CYTH3: variants seen among roughly 807,000 people sequenced by gnomAD.
The protein encoded by CYTH3 is cytohesin-3.
CYTH3 carries 23 observed loss-of-function variants against 55.1 expected under a neutral mutation model. The observed-to-expected ratio is 0.42, with a 90% CI of 0.30 to 0.59. The LOEUF is 0.59. CYTH3 is among the 20% of genes least tolerant of loss of function. CYTH3 has a pLI of 0.20. For synonymous variants in CYTH3, 249 were observed against 194.9 expected, an observed-to-expected ratio of 1.28 and a Z score of -2.31; for missense variants, 413 against 524.8, an observed-to-expected ratio of 0.79 and a Z score of 2.08.
intron 1 of CYTH3, 95 bp from the exon 2 acceptor site, chr7:6,190,626 A>C: frequency 1.1e-6 from 1 of 904,218 alleles, no homozygotes. Flanking sequence ...CAGCAATTCC[A>C]TACGCAGGTA....
chr7:6,173,037 G>A, intron 6 of CYTH3: 3 of 1,074,846 alleles, frequency 2.8e-6, no homozygotes, highest in Non-Finnish European at 3.4e-6. Flanking sequence ...ACTCCCACCA[G>A]AAGCCCTGCC....
chr7:6,235,267 C>T (rs6951747), intron 1 of CYTH3, among the ~76,000 whole-genome samples: 1 of 151,922 alleles, frequency 6.6e-6, no homozygotes, highest in African/African-American at 2.4e-5. Flanking sequence ...TTTGAGGTCA[C>T]GAGTTCAAGA....
At chr7:6,226,363 C>G (rs888879863) in intron 1 of CYTH3, among the ~76,000 whole-genome samples, 3 of 152,188 alleles carry the variant, frequency 2.0e-5, no homozygotes, top group Non-Finnish European at 4.4e-5. Flanking sequence ...TGTAGAACAT[C>G]TGGCATTCCA....
At position 6,190,496 on chromosome 7, in the gene CYTH3, G is replaced by A; in HGVS notation, c.70C>T (p.Leu24Phe). ...TTTTTTCTTCGACGAATGTCTAGAA[G>A]TTCTTCTCTCTCTTCTAATGAGAGG... The part of the protein sequence containing the change: ...EDLSLEEREE[L>F]LDIRRRKKEL... Residue 24 changes from leucine (L) to phenylalanine (F), a missense_variant, in exon 2 of 13, where the codon CTT becomes TTT. Leu to Phe is a conservative substitution (Grantham distance 22). Transcript: ENST00000350796. 6 of 1,503,762 alleles carry A rather than the reference G, an allele frequency of 4.0e-6. No homozygotes were observed. The highest frequency in any genetic ancestry group is 1.2e-5 in the South Asian group (1 of 80,234). 93.2% of individuals were successfully genotyped at this position (1,503,762 alleles called of 1,614,324 possible).
intron 5 of CYTH3, among the ~76,000 whole-genome samples, chr7:6,174,721 G>C (rs1218252420): frequency 6.6e-6 from 1 of 151,714 alleles, no homozygotes; most frequent in Non-Finnish European, 1.5e-5. Flanking sequence ...CTAATTTTTT[G>C]TATTTTTAGT....
At chr7:6,231,076 C>T (rs924545093) in intron 1 of CYTH3, among the ~76,000 whole-genome samples, 4 of 152,224 alleles carry the variant, frequency 2.6e-5, no homozygotes, top group African/African-American at 9.6e-5. Context: ...CTCACCTGTA[C>T]TAACCCACGC....
At chr7:6,190,963 G>A (rs550949437) in intron 1 of CYTH3, among the ~76,000 whole-genome samples, 6 of 151,922 alleles carry the variant, frequency 3.9e-5, no homozygotes, top group Non-Finnish European at 7.4e-5. Flanking sequence ...TGTAATCTCA[G>A]CTACTCGGGA....
intron 1 of CYTH3, among the ~76,000 whole-genome samples, chr7:6,226,904 C>A (rs1289357198): frequency 1.3e-5 from 2 of 152,052 alleles, no homozygotes; most frequent in South Asian, 4.1e-4. Context: ...CACGGTGAAA[C>A]CCCGTCTCTA....
chr7:6,220,586 A>AG (rs1208372111), intron 1 of CYTH3, among the ~76,000 whole-genome samples: 2 of 151,894 alleles, frequency 1.3e-5, no homozygotes, highest in African/African-American at 4.8e-5. Context: ...AAAAAAAAAA[A>AG]AAAAAAAAAC....
chr7:6,244,095 A>G (rs1473546244), intron 1 of CYTH3, among the ~76,000 whole-genome samples: 1 of 152,224 alleles, frequency 6.6e-6, no homozygotes, highest in Non-Finnish European at 1.5e-5. Flanking sequence ...TGCATGTTCT[A>G]TGCAGCCCAA....
intron 1 of CYTH3, among the ~76,000 whole-genome samples, chr7:6,250,100 T>C (rs778044603): frequency 7.9e-5 from 12 of 152,170 alleles, no homozygotes; most frequent in Non-Finnish European, 1.0e-4. Flanking sequence ...TGTCCACCAC[T>C]GGGATCACAC....
At chr7:6,178,257 T>C (rs1339371120) in intron 4 of CYTH3, among the ~76,000 whole-genome samples, 1 of 152,240 alleles carries the variant, frequency 6.6e-6, no homozygotes, top group Admixed American at 6.5e-5. Context: ...TTCCCAAGCT[T>C]AGAAAGATAG....
chr7:6,165,820 G>C lies in CYTH3; in HGVS notation c.824-10C>G. The C allele has an allele frequency of 1.2e-6, 2 of 1,613,964 alleles. No individual in the cohort carries two copies. The highest frequency in any genetic ancestry group is 1.7e-6 in the Non-Finnish European group (2 of 1,179,962). On this transcript the variant is annotated splice_polypyrimidine_tract_variant and intron_variant, in intron 9 of 12. Transcript: ENST00000350796. Reference sequence around the variant, plus strand: ...GTCTTCACACGCCCTCCTAGAAGCAGAAGGGCCCCGTGAGTCTGCGCTCCG... The same window carrying C: ...GTCTTCACACGCCCTCCTAGAAGCACAAGGGCCCCGTGAGTCTGCGCTCCG...
chr7:6,198,110 AG>A (rs1217350971), intron 1 of CYTH3, among the ~76,000 whole-genome samples: 2 of 151,538 alleles, frequency 1.3e-5, no homozygotes, highest in African/African-American at 4.9e-5. Flanking sequence ...AAAAAAAAAA[AG>A]GAAAAAAAAA....
At chr7:6,208,444 C>T (rs1157698712) in intron 1 of CYTH3, among the ~76,000 whole-genome samples, 1 of 152,238 alleles carries the variant, frequency 6.6e-6, no homozygotes, top group Admixed American at 6.5e-5. Flanking sequence ...TTCCCCAGTT[C>T]CATACAGCAA....
chr7:6,177,288 C>T (rs1039674500), intron 5 of CYTH3, among the ~76,000 whole-genome samples: 2 of 152,214 alleles, frequency 1.3e-5, no homozygotes, highest in Non-Finnish European at 2.9e-5. Context: ...TTTAAAAACA[C>T]TTTCTTCTGG....
chr7:6,174,275 C>T (rs912491882), intron 5 of CYTH3, among the ~76,000 whole-genome samples: 6 of 151,808 alleles, frequency 4.0e-5, no homozygotes, highest in Admixed American at 2.0e-4. Flanking sequence ...CCACCATGCC[C>T]GGCTAACTTT....
rs1783178160 is a variant in CYTH3, at chr7:6,171,136, G to C, written c.562+66C>G. ...AACACACGCTGGGCTGTGCCCACAG[G>C]GGCCGCCCCCTCCAGAGCTGGAGGC... On this transcript the variant is annotated intron_variant, in intron 7 of 12. Coordinates refer to ENST00000350796, the MANE Select transcript of CYTH3 (RefSeq NM_004227.4). The surrounding 1 kb of genome is among the most constrained non-coding windows in gnomAD (Gnocchi z 6.7). 6.3e-7 allele frequency: 1 copy of C among 1,597,286 alleles called. No individual in the cohort carries two copies. The highest frequency in any genetic ancestry group is 8.6e-7 in the Non-Finnish European group (1 of 1,166,220).
chr7:6,187,566 C>T (rs1244173230), intron 3 of CYTH3, 91 bp downstream of exon 3: 5 of 1,149,408 alleles, frequency 4.4e-6, no homozygotes, highest in South Asian at 1.2e-5. Context: ...ACATCCCAAC[C>T]ACTCTCACCC....
Sources: allele counts gnomAD v4.1 joint callset (sites outside exome capture counted in the v4.1 genomes callset), GRCh38; gene constraint gnomAD v4.1.1; non-coding constraint Gnocchi (gnomAD v3.1); transcripts MANE v1.5; gene names NCBI Gene and HGNC (gene_info 2026-07-23, HGNC 2026-07-21).